Variants in FDX2 observed in about 807,000 individuals in gnomAD.
FDX2 encodes the protein ferredoxin 2.
Under a neutral mutation model 18.5 loss-of-function variants are expected in FDX2, and 13 were observed. That is an observed-to-expected ratio of 0.70 (90% CI 0.46 to 1.12). FDX2 has a LOEUF of 1.12. Ranked by LOEUF, FDX2 falls within the 50% of genes most tolerant of loss-of-function variation. FDX2 has a pLI of 0.00. For synonymous variants in FDX2, 132 were observed against 106.2 expected (o/e 1.24, Z -1.49); for missense variants, 238 against 250.4 (o/e 0.95, Z 0.34).
At position 10,310,640 on chromosome 19, in the gene FDX2, TC is replaced by T; in HGVS notation, c.406del (p.Glu136LysfsTer5). 3 of 1,477,536 alleles carry T rather than the reference TC, an allele frequency of 2.0e-6. No individual in the cohort carries two copies. Among genetic ancestry groups the T allele is most frequent in the Non-Finnish European group, 2.7e-6 (3 of 1,099,138 alleles). 91.5% of individuals were successfully genotyped at this position (1,477,536 alleles called of 1,614,324 possible). A position where few individuals can be genotyped will look rare whatever the true frequency, so the allele number is the denominator to read the frequency against. ...GGGGGCCATGTCTAGCATGTCGTCT[TC>T]CCTAGGGTGGTGACACGGGCAGTGT... On this transcript the variant is annotated frameshift_variant and splice_region_variant, in exon 5 of 5. Transcript: ENST00000393708. LOFTEE classifies it high-confidence loss of function.
chr19:10,311,015 GAGTAGACCTC>G, intron 3 of FDX2, 75 bp from the exon 4 acceptor site: 1 of 1,091,178 alleles, frequency 9.2e-7, no homozygotes, highest in Non-Finnish European at 1.3e-6. Flanking sequence ...TGGCGTAGAG[GAGTAGACCTC>G]TCTTCCACCA....
At chr19:10,311,322 C>A (rs544148502) in intron 3 of FDX2, among the ~76,000 whole-genome samples, 1 of 152,298 alleles carries the variant, frequency 6.6e-6, no homozygotes, top group South Asian at 2.1e-4. Flanking sequence ...GTGTCCCCAC[C>A]TCTCCACTGC....
intron 3 of FDX2, 49 bp downstream of exon 3, chr19:10,315,337 T>TTTTTTTTTGAAAAA: frequency 9.4e-7 from 1 of 1,064,558 alleles, no homozygotes; most frequent in Non-Finnish European, 1.3e-6. Context: ...TTTTTTTTTT[T>TTTTTTTTTGAAAAA]TGGACAAATG....
At chr19:10,314,369 A>T (rs1568307422) in intron 3 of FDX2, among the ~76,000 whole-genome samples, 1 of 152,254 alleles carries the variant, frequency 6.6e-6, no homozygotes, top group Non-Finnish European at 1.5e-5. Flanking sequence ...ATGAATAAGG[A>T]CATGGGTCAC....
chr19:10,312,837 A>G (rs1008081175), intron 3 of FDX2, among the ~76,000 whole-genome samples: 1 of 151,790 alleles, frequency 6.6e-6, no homozygotes, highest in African/African-American at 2.4e-5. Context: ...ACACCTTGCC[A>G]GGCCACTTAC....
In FDX2 at chr19:10,315,512, C is replaced by A. The variant is rs2040372916; in HGVS notation, c.210-20G>T. The A allele has an allele frequency of 2.5e-6, 4 of 1,610,134 alleles. No individual in the cohort carries two copies. The Admixed American group carries it at 6.7e-5, about 27-fold the overall frequency. ...TTCACCCTGGGGACAGATGGAAGTG[C>A]GAATGCCGAACTGGATGATGGGCTC... On this transcript the variant is annotated intron_variant, in intron 2 of 4. Coordinates refer to ENST00000393708, the MANE Select transcript of FDX2 (RefSeq NM_001031734.4).
intron 3 of FDX2, among the ~76,000 whole-genome samples, chr19:10,313,449 G>A (rs1219422221): frequency 6.6e-6 from 1 of 151,628 alleles, no homozygotes; most frequent in African/African-American, 2.4e-5. Flanking sequence ...TGCCTGACGC[G>A]CAGTAGGTAT....
rs537248152 is a variant in FDX2 at position 10,310,618 on chromosome 19, G to A, written c.429C>T (p.Ala143=). The A allele has an allele frequency of 9.9e-6, 16 of 1,613,858 alleles. No individual in the cohort carries two copies. Among genetic ancestry groups the A allele is most frequent in the Non-Finnish European group, 1.4e-5 (16 of 1,179,976 alleles). Residue 143 remains alanine (A), a synonymous_variant, in exon 5 of 5, where the codon GCC becomes GCT. Coordinates refer to ENST00000393708, the MANE Select transcript of FDX2 (RefSeq NM_001031734.4). ...GCCGCGAGTTCTCCTGGAGGAGGGG[G>A]GCCATGTCTAGCATGTCGTCTTCCC...
In FDX2 at chr19:10,310,373, G is replaced by A. The variant is rs1015977791; in HGVS notation, c.*113C>T. On this transcript the variant is annotated 3_prime_UTR_variant, in exon 5 of 5. Transcript: ENST00000393708. ...AAGCAGGGGTGTTGTCCTTCACAGG[G>A]GCTTCCACGTCTCTCCCGGGCCTGT... 4 of 1,402,042 alleles carry A rather than the reference G, an allele frequency of 2.9e-6. No individual in the cohort carries two copies. The highest frequency in any genetic ancestry group is 1.3e-5 in the South Asian group (1 of 75,084). The allele number at this position is 1,402,042 out of a possible 1,614,324, so 86.9% of individuals were successfully genotyped here.
At chr19:10,315,289 A>C in intron 3 of FDX2, 97 bp downstream of exon 3, 1 of 989,420 alleles carries the variant, frequency 1.0e-6, no homozygotes, top group Non-Finnish European at 1.5e-6. Context: ...TGGTGGGAAA[A>C]AGACGTGAAG....
At chr19:10,315,248 A>G (rs1431012389) in intron 3 of FDX2, 138 bp downstream of exon 3, 38 of 651,602 alleles carry the variant, frequency 5.8e-5, no homozygotes, top group Non-Finnish European at 3.1e-5. Flanking sequence ...AGATGAGGCC[A>G]TGGTGAGGGG....
chr19:10,315,204 CTAATAAATGCT>C (rs2040366366), intron 3 of FDX2, 171 bp downstream of exon 3: 2 of 575,536 alleles, frequency 3.5e-6, no homozygotes, highest in Non-Finnish European at 6.2e-6. Flanking sequence ...CTAGTGATCT[CTAATAAATGCT>C]TAACAAATAA....
chr19:10,313,927 G>A (rs1456212049), intron 3 of FDX2, among the ~76,000 whole-genome samples: 9 of 150,248 alleles, frequency 6.0e-5, no homozygotes, highest in Non-Finnish European at 1.2e-4. Flanking sequence ...CTCGTGATCC[G>A]CCCGCCTCGG....
chr19:10,314,797 G>A (rs2040360552), intron 3 of FDX2, among the ~76,000 whole-genome samples: 1 of 152,082 alleles, frequency 6.6e-6, no homozygotes, highest in Non-Finnish European at 1.5e-5. Flanking sequence ...TTGGTTGTTT[G>A]AGGAACCACA....
In FDX2 at chr19:10,310,303, TAGGGGCCCTGTCCCCACC is replaced by T. The variant is rs1311679133; in HGVS notation, c.*165_*182del. ...AGGGGCCTGGGGAAGGCCACCCCAC[TAGGGGCCCTGTCCCCACC>T]AGAGCCTGGACATGGGACTCTCTCC... On this transcript the variant is annotated 3_prime_UTR_variant, in exon 5 of 5. Transcript: ENST00000393708. 9 of 831,996 alleles carry T rather than the reference TAGGGGCCCTGTCCCCACC, an allele frequency of 1.1e-5. No homozygotes were observed. Among genetic ancestry groups the T allele is most frequent in the South Asian group, 3.7e-5 (2 of 54,442 alleles). The allele number at this position is 831,996 out of a possible 1,614,324, so 51.5% of individuals were successfully genotyped here. A position where few individuals can be genotyped will look rare whatever the true frequency, so the allele number is the denominator to read the frequency against.
chr19:10,311,265 G>T (rs186927641), intron 3 of FDX2, among the ~76,000 whole-genome samples: 1 of 152,188 alleles, frequency 6.6e-6, no homozygotes, highest in Non-Finnish European at 1.5e-5. Flanking sequence ...CAGGCTCCCC[G>T]CAGTCTGTGA....
At position 10,315,836 on chromosome 19, in the gene FDX2, C is replaced by G; in HGVS notation, c.154+16G>C. 2 of 1,596,412 alleles carry G rather than the reference C, an allele frequency of 1.3e-6. No homozygotes were observed. The highest frequency in any genetic ancestry group is 1.7e-6 in the Non-Finnish European group (2 of 1,173,730). ...TCTGACGGATTAACGCTGCCCGCCC[C>G]GGGCGCCCCAGGTACCTGTCGCTTG... is the stretch of plus-strand genomic sequence containing the variant. On this transcript the variant is annotated intron_variant, in intron 1 of 4. Coordinates refer to ENST00000393708, the MANE Select transcript of FDX2 (RefSeq NM_001031734.4).
rs754035106 is a variant in FDX2 at position 10,310,946 on chromosome 19, G to A, written c.317-6C>T. 7 of 1,608,024 alleles carry A rather than the reference G, an allele frequency of 4.4e-6. No homozygotes were observed. In the Admixed American group the frequency reaches 1.0e-4, roughly 23 times the overall value. ...CAGGGAGGCTTCACAGGCCCCTAGG[G>A]GTGGGAAGTGAAGGGGGCGCAGGTG... On this transcript the variant is annotated splice_polypyrimidine_tract_variant and splice_region_variant and intron_variant, in intron 3 of 4. Transcript: ENST00000393708.
In FDX2 at chr19:10,315,721, C is replaced by G. The variant is rs1184197568; in HGVS notation, c.193G>C (p.Glu65Gln). 2 of 1,554,446 alleles carry G rather than the reference C, an allele frequency of 1.3e-6. No individual in the cohort carries two copies. The highest frequency in any genetic ancestry group is 1.4e-5 in the African/African-American group (1 of 73,066). The change falls in exon 2 of 5, where the codon GAG becomes CAG. Residue 65 changes from glutamate (E) to glutamine (Q), a missense_variant. Physicochemically the swap from Glu to Gln is conservative, Grantham distance 29. Coordinates refer to ENST00000393708, the MANE Select transcript of FDX2 (RefSeq NM_001031734.4). ...TGCACTCACACGTCCCCGGGCCGCT[C>G]CGGGCCGCCCGCGTCCTCCTCTCCA...
Sources: gnomAD v4.1 joint callset for allele counts (sites outside exome capture counted in the v4.1 genomes callset) on GRCh38, gnomAD v4.1.1 for gene constraint, MANE v1.5 for transcripts, NCBI Gene and HGNC (gene_info 2026-07-23, HGNC 2026-07-21) for gene names.